Variants in OR1J2 observed in about 807,000 individuals in gnomAD.
The protein encoded by OR1J2 is olfactory receptor 1J2.
For missense variants in OR1J2, 304 were observed against 246.1 expected, an observed-to-expected ratio of 1.24 and a Z score of -1.57; for synonymous variants, 142 against 99.7, an observed-to-expected ratio of 1.42 and a Z score of -2.52.
the OR1J2 span, among the ~76,000 whole-genome samples, chr9:122,487,473 A>G: frequency 7.2e-5 from 11 of 152,050 alleles, no homozygotes; most frequent in Non-Finnish European, 1.3e-4. Flanking sequence ...ACACACACAC[A>G]CACACACACA....
chr9:122,480,630 TC>T, the OR1J2 span, among the ~76,000 whole-genome samples: 1 of 151,920 alleles, frequency 6.6e-6, no homozygotes, highest in Non-Finnish European at 1.5e-5. Context: ...TGTATTTGCT[TC>T]TTTTTTTTAT....
the OR1J2 span, among the ~76,000 whole-genome samples, chr9:122,543,644 C>T: frequency 2.0e-5 from 3 of 152,206 alleles, no homozygotes; most frequent in East Asian, 1.9e-4. Context: ...CCATTGGAAC[C>T]CAGTTGTCAT....
At chr9:122,518,433 G>A in the OR1J2 span, among the ~76,000 whole-genome samples, 1 of 152,220 alleles carries the variant, frequency 6.6e-6, no homozygotes, top group South Asian at 2.1e-4. Context: ...TTTCTGGTTA[G>A]CAGATGGCTG....
chr9:122,454,869 C>G, the OR1J2 span, among the ~76,000 whole-genome samples: 1 of 152,158 alleles, frequency 6.6e-6, no homozygotes, highest in Non-Finnish European at 1.5e-5. Context: ...CTTTAGGTTT[C>G]TTTTTAAATA....
the OR1J2 span, among the ~76,000 whole-genome samples, chr9:122,465,815 A>G: frequency 4.0e-5 from 6 of 151,894 alleles, no homozygotes; most frequent in Non-Finnish European, 7.4e-5. Flanking sequence ...CCTTCTCTCT[A>G]TTTCTTCTTT....
the OR1J2 span, among the ~76,000 whole-genome samples, chr9:122,468,714 G>A: frequency 1.3e-5 from 2 of 152,204 alleles, no homozygotes; most frequent in African/African-American, 4.8e-5. Flanking sequence ...GGCGACTGAG[G>A]AGATAGTCAT....
At chr9:122,532,713 G>A in the OR1J2 span, among the ~76,000 whole-genome samples, 22 of 152,138 alleles carry the variant, frequency 1.4e-4, no homozygotes, top group Non-Finnish European at 3.1e-4. Context: ...GTATTAGGGC[G>A]GCAGCAGCCG....
At chr9:122,537,991 C>G in the OR1J2 span, among the ~76,000 whole-genome samples, 3 of 152,176 alleles carry the variant, frequency 2.0e-5, no homozygotes, top group Non-Finnish European at 4.4e-5. Context: ...CATGTGGGCC[C>G]TTAGCTTGAG....
upstream of OR1J2, among the ~76,000 whole-genome samples, chr9:122,510,450 A>C (rs1828610117): frequency 6.6e-6 from 1 of 152,104 alleles, no homozygotes; most frequent in Non-Finnish European, 1.5e-5. Flanking sequence ...AAGGAAAAAT[A>C]TGAGAAGCAG....
the OR1J2 span, among the ~76,000 whole-genome samples, chr9:122,465,222 A>C: frequency 6.8e-4 from 103 of 152,100 alleles, 1 homozygote; most frequent in South Asian, 1.0e-3. Flanking sequence ...TCTGGGGAAA[A>C]CTTGCTCATG....
the OR1J2 span, chr9:122,567,807 G>T: frequency 6.2e-7 from 1 of 1,614,088 alleles, no homozygotes; most frequent in Non-Finnish European, 8.5e-7. Flanking sequence ...GAGAACTGTA[G>T]TGAGGATTCG....
the OR1J2 span, among the ~76,000 whole-genome samples, chr9:122,575,143 C>T: frequency 6.6e-6 from 1 of 151,970 alleles, no homozygotes; most frequent in East Asian, 1.9e-4. Flanking sequence ...ATGAGAGATA[C>T]AGGTTTATAG....
At chr9:122,515,985 A>G (rs1588192076), downstream of OR1J2, among the ~76,000 whole-genome samples, 2 of 152,248 alleles carry the variant, frequency 1.3e-5, no homozygotes, top group East Asian at 1.9e-4. Context: ...AATGGAAACA[A>G]TGTCATCTCA....
the OR1J2 span, chr9:122,519,910 G>A: frequency 6.2e-7 from 1 of 1,614,030 alleles, no homozygotes; most frequent in Non-Finnish European, 8.5e-7. Context: ...ACAATTATTG[G>A]ACTGTATTTT....
chr9:122,447,510 C>T, the OR1J2 span: 1 of 152,344 alleles, frequency 6.6e-6, no homozygotes, highest in East Asian at 1.9e-4. Context: ...GAAATCCTGG[C>T]CCTATGGATA....
the OR1J2 span, among the ~76,000 whole-genome samples, chr9:122,454,740 A>G: frequency 6.6e-6 from 1 of 152,200 alleles, no homozygotes; most frequent in Non-Finnish European, 1.5e-5. Flanking sequence ...GAAGATGGGA[A>G]TGTCTCACAG....
chr9:122,558,440 T>C, the OR1J2 span, among the ~76,000 whole-genome samples: 1 of 151,492 alleles, frequency 6.6e-6, no homozygotes, highest in Non-Finnish European at 1.5e-5. Context: ...CTTTTTTGTT[T>C]GTTTGTTTAA....
the OR1J2 span, among the ~76,000 whole-genome samples, chr9:122,492,392 T>C: frequency 6.6e-6 from 1 of 152,200 alleles, no homozygotes; most frequent in Non-Finnish European, 1.5e-5. Flanking sequence ...TTTTATTTAG[T>C]CCACCATTGA....
chr9:122,545,461 ATTCTTTTAG>A, the OR1J2 span, among the ~76,000 whole-genome samples: 3 of 152,210 alleles, frequency 2.0e-5, no homozygotes, highest in African/African-American at 7.2e-5. Flanking sequence ...TCTCCCTTTA[ATTCTTTTAG>A]TTTTTGATGC....
Sources: allele counts gnomAD v4.1 joint callset (sites outside exome capture counted in the v4.1 genomes callset), GRCh38; gene constraint gnomAD v4.1.1; transcripts MANE v1.5; gene names NCBI Gene and HGNC (gene_info 2026-07-23, HGNC 2026-07-21).